Variants in TXLNB observed in about 807,000 individuals in gnomAD.
The protein encoded by TXLNB is taxilin beta.
TXLNB carries 37 observed loss-of-function variants against 57.4 expected under a neutral mutation model. The ratio of observed to expected loss-of-function variants is 0.64; its 90% confidence interval spans 0.50 to 0.85. The LOEUF (loss-of-function observed/expected upper bound fraction) is 0.85, where lower values mean the gene tolerates loss of function less well. Among genes scored for constraint, TXLNB ranks in the 40% least tolerant of loss-of-function variants. TXLNB has a pLI of 0.00. For synonymous variants in TXLNB, 302 were observed against 309.6 expected (o/e 0.98, Z 0.26); for missense variants, 848 against 825.6 (o/e 1.03, Z -0.33).
At chr6:139,193,980 T>G in the TXLNB span, among the ~76,000 whole-genome samples, 1 of 150,496 alleles carries the variant, frequency 6.6e-6, no homozygotes, top group Non-Finnish European at 1.5e-5. Flanking sequence ...TAGCTGGGAC[T>G]ACAGGCGCCC....
the TXLNB span, among the ~76,000 whole-genome samples, chr6:139,222,510 T>C: frequency 6.6e-6 from 1 of 152,106 alleles, no homozygotes; most frequent in African/African-American, 2.4e-5. Flanking sequence ...TGGAGACATA[T>C]AAAAATCTAC....
At chr6:139,174,252 G>T in the TXLNB span, 1 of 1,033,474 alleles carries the variant, frequency 9.7e-7, no homozygotes, top group Non-Finnish European at 1.4e-6. Flanking sequence ...ACTAAATATT[G>T]ATTTTTCTTT....
chr6:139,242,971 G>T lies in TXLNB; in HGVS notation c.1610C>A (p.Ala537Asp). 6.2e-7 allele frequency: 1 copy of T among 1,614,150 alleles called. No individual in the cohort carries two copies. Among genetic ancestry groups the T allele is most frequent in the Non-Finnish European group, 8.5e-7 (1 of 1,180,024 alleles). Reference protein sequence around the residue: ...IGSSQESADAALKEPEQPPLI... With the variant: ...IGSSQESADADLKEPEQPPLI... ...AGGGGGTTGCTCTGGCTCCTTGAGAGCGGCGTCAGCACTCTCCTGAGAACT... is the reference window on the plus strand; with the variant it reads ...AGGGGGTTGCTCTGGCTCCTTGAGATCGGCGTCAGCACTCTCCTGAGAACT... Residue 537 changes from alanine (A) to aspartate (D), a missense_variant, in exon 10 of 10, where the codon GCT (alanine) becomes GAT (aspartate). Transcript: ENST00000358430.
the TXLNB span, among the ~76,000 whole-genome samples, chr6:139,233,039 A>G: frequency 6.6e-6 from 1 of 152,278 alleles, no homozygotes; most frequent in South Asian, 2.1e-4. Flanking sequence ...TCTATAAATA[A>G]TATAATATGC....
At chr6:139,281,050 A>G (rs567368360) in intron 2 of TXLNB, among the ~76,000 whole-genome samples, 1 of 147,822 alleles carries the variant, frequency 6.8e-6, no homozygotes, top group African/African-American at 2.7e-5. Context: ...TGATTTATTT[A>G]TTTATTTTTT....
intron 2 of TXLNB, among the ~76,000 whole-genome samples, chr6:139,278,230 G>T (rs940072859): frequency 2.0e-5 from 3 of 152,152 alleles, no homozygotes; most frequent in Non-Finnish European, 4.4e-5. Context: ...TGAATCCAAG[G>T]CTAGCCTACT....
At chr6:139,296,087 T>C (rs1777384372), upstream of TXLNB, among the ~76,000 whole-genome samples, 1 of 152,192 alleles carries the variant, frequency 6.6e-6, no homozygotes, top group Non-Finnish European at 1.5e-5. Flanking sequence ...TACACAGCTG[T>C]GGTCCTGGCA....
chr6:139,285,304 A>ACCCC (rs1554227519), intron 2 of TXLNB, among the ~76,000 whole-genome samples: 3 of 128,144 alleles, frequency 2.3e-5, no homozygotes, highest in African/African-American at 8.9e-5. Flanking sequence ...ACACACACAC[A>ACCCC]CCCCAATTCT....
chr6:139,243,426 A>G (rs1472972914), intron 9 of TXLNB, 112 bp from the exon 10 acceptor site: 1 of 1,183,786 alleles, frequency 8.4e-7, no homozygotes, highest in Non-Finnish European at 1.2e-6. Context: ...GAATTTGTCT[A>G]CTAGGCTCTG....
intron 5 of TXLNB, among the ~76,000 whole-genome samples, chr6:139,261,467 G>C (rs1212183039): frequency 6.6e-6 from 1 of 152,120 alleles, no homozygotes; most frequent in African/African-American, 2.4e-5. Flanking sequence ...CTTTGACTAT[G>C]TTATGTTACA....
the TXLNB span, among the ~76,000 whole-genome samples, chr6:139,164,710 C>T: frequency 6.6e-6 from 1 of 152,106 alleles, no homozygotes; most frequent in Non-Finnish European, 1.5e-5. Context: ...TGCCAAGACA[C>T]AAGTGGGGAA....
chr6:139,280,677 T>A (rs1346937476), intron 2 of TXLNB, among the ~76,000 whole-genome samples: 2 of 73,770 alleles, frequency 2.7e-5, no homozygotes, highest in African/African-American at 6.5e-5. Flanking sequence ...TCTTCCAAAA[T>A]TTTTTTTTTA....
chr6:139,200,742 G>A, the TXLNB span, among the ~76,000 whole-genome samples: 1 of 151,992 alleles, frequency 6.6e-6, no homozygotes, highest in Non-Finnish European at 1.5e-5. Context: ...TTTATTGAGG[G>A]ACTGATACCC....
intron 2 of TXLNB, among the ~76,000 whole-genome samples, chr6:139,277,886 T>C (rs1163146477): frequency 6.6e-6 from 1 of 152,166 alleles, no homozygotes; most frequent in Non-Finnish European, 1.5e-5. Flanking sequence ...TTGACAACCT[T>C]TCCCCCAAGA....
At chr6:139,184,901 T>C in the TXLNB span, among the ~76,000 whole-genome samples, 123 of 152,340 alleles carry the variant, frequency 8.1e-4, no homozygotes, top group African/African-American at 2.8e-3. Flanking sequence ...GGAATGACAA[T>C]TTTTTTATGG....
At chr6:139,167,323 A>C in the TXLNB span, 14 of 1,581,028 alleles carry the variant, frequency 8.9e-6, no homozygotes, top group African/African-American at 1.3e-5. Context: ...GTCACCTTCA[A>C]GGTATAGGTG....
intron 3 of TXLNB, among the ~76,000 whole-genome samples, chr6:139,274,221 T>C (rs550681192): frequency 6.6e-6 from 1 of 152,228 alleles, no homozygotes; most frequent in Non-Finnish European, 1.5e-5. Flanking sequence ...GAATACAATG[T>C]CAGATAATAT....
At chr6:139,222,039 AAAAG>A in the TXLNB span, among the ~76,000 whole-genome samples, 1 of 152,198 alleles carries the variant, frequency 6.6e-6, no homozygotes, top group Non-Finnish European at 1.5e-5. Context: ...AAAAAATTTA[AAAAG>A]AAAGGAATAA....
Position 139,283,394 on chromosome 6 carries a change from T to A in TXLNB, c.424+5082A>T, listed in dbSNP as rs1285173898. On this transcript the variant is annotated intron_variant, in intron 2 of 9. Transcript: ENST00000358430. ...GAGTTCAAGACCAGCCTGACCAACA[T>A]GGAGAAATCCTGTCTCTACTAAAAA... is the stretch of plus-strand genomic sequence containing the variant. Among the ~76,000 whole-genome samples the A allele has an allele frequency of 2.1e-5, 3 of 142,800 alleles. 1 individual carries two copies. Among genetic ancestry groups the A allele is most frequent in the Non-Finnish European group, 4.6e-5 (3 of 64,726 alleles). 93.7% of individuals were successfully genotyped at this position (142,800 alleles called of 152,430 possible).
Sources: allele counts gnomAD v4.1 joint callset (sites outside exome capture counted in the v4.1 genomes callset), GRCh38; gene constraint gnomAD v4.1.1; transcripts MANE v1.5; gene names NCBI Gene and HGNC (gene_info 2026-07-23, HGNC 2026-07-21).